FBXO11: variants seen among roughly 807,000 people sequenced by gnomAD.
The protein encoded by FBXO11 is F-box protein 11.
A neutral mutation model predicts 117.0 loss-of-function variants in FBXO11; 13 were observed. The observed-to-expected ratio is 0.11, with a 90% CI of 0.07 to 0.18. The LOEUF (loss-of-function observed/expected upper bound fraction) is 0.18. Ranked by LOEUF, FBXO11 falls within the 10% of genes least tolerant of loss-of-function variation. The pLI is 1.00. For missense variants in FBXO11, 767 were observed against 1,164.4 expected, an observed-to-expected ratio of 0.66 and a Z score of 4.97; for synonymous variants, 490 against 380.5, an observed-to-expected ratio of 1.29 and a Z score of -3.35.
intron 1 of FBXO11, among the ~76,000 whole-genome samples, chr2:47,901,604 T>C (rs1311963377): frequency 1.3e-5 from 2 of 152,134 alleles, no homozygotes; most frequent in Admixed American, 6.5e-5. Flanking sequence ...TTATTTTATT[T>C]ATTATTTATT....
chr2:47,828,509 G>A (rs1191513203), intron 11 of FBXO11, among the ~76,000 whole-genome samples: 6 of 151,832 alleles, frequency 4.0e-5, no homozygotes, highest in Admixed American at 3.9e-4. Flanking sequence ...TCGGGAGACT[G>A]AGACACAAGA....
chr2:47,856,539 T>G (rs773372001), intron 1 of FBXO11, among the ~76,000 whole-genome samples: 1 of 152,080 alleles, frequency 6.6e-6, no homozygotes, highest in Non-Finnish European at 1.5e-5. Context: ...TTGGAAAAAC[T>G]TGAGGACATA....
At chr2:47,825,759 T>C (rs1020817579) in intron 11 of FBXO11, among the ~76,000 whole-genome samples, 1 of 151,966 alleles carries the variant, frequency 6.6e-6, no homozygotes, top group Non-Finnish European at 1.5e-5. Flanking sequence ...GTGTTTTTAG[T>C]AGAGATGGAG....
At chr2:47,887,052 G>A (rs1044854326) in intron 1 of FBXO11, among the ~76,000 whole-genome samples, 6 of 152,116 alleles carry the variant, frequency 3.9e-5, no homozygotes, top group African/African-American at 1.2e-4. Context: ...TTTGGAGACT[G>A]AGGTGGGCAG....
In FBXO11 at chr2:47,874,246, TTAAAA is replaced by T. The variant is rs377527308; in HGVS notation, c.232+31238_232+31242del. Among the ~76,000 whole-genome samples, 42 of 152,136 alleles carry T rather than the reference TTAAAA, an allele frequency of 2.8e-4. No homozygotes were observed. The South Asian group carries it at 7.0e-3, about 26-fold the overall frequency. ...TAATAAATAAATAAAATATATAACTTTAAAATATACATTAATCCACTGTAATTATA... is the reference window on the plus strand; with the variant it reads ...TAATAAATAAATAAAATATATAACTTTATACATTAATCCACTGTAATTATA... On this transcript the variant is annotated intron_variant, in intron 1 of 22. Coordinates refer to ENST00000403359, the MANE Select transcript of FBXO11 (RefSeq NM_001190274.2).
intron 1 of FBXO11, among the ~76,000 whole-genome samples, chr2:47,863,795 G>C (rs1314556093): frequency 6.6e-6 from 1 of 152,122 alleles, no homozygotes; most frequent in Non-Finnish European, 1.5e-5. Flanking sequence ...ATAAAAATAA[G>C]CTGGGTATGG....
At position 47,820,061 on chromosome 2, in the gene FBXO11, C is replaced by A. The variant is rs141179778; in HGVS notation, c.1797+301G>T. On this transcript the variant is annotated intron_variant, in intron 14 of 22. Transcript: ENST00000403359. Reference sequence around the variant, plus strand: ...ACAAATATAATAGACTGCAAATGAACTGCTGCTGAGGCTAGCCCATATTGC... The same window carrying A: ...ACAAATATAATAGACTGCAAATGAAATGCTGCTGAGGCTAGCCCATATTGC... Among the ~76,000 whole-genome samples, 673 of 152,298 alleles carry A rather than the reference C, an allele frequency of 4.4e-3. 3 individuals carry two copies. The highest frequency in any genetic ancestry group is 0.024 in the Middle Eastern group (7 of 294).
chr2:47,883,468 T>C (rs1027344109), intron 1 of FBXO11: 2 of 404,764 alleles, frequency 4.9e-6, no homozygotes, highest in African/African-American at 2.0e-5. Flanking sequence ...CAGATTTTTG[T>C]AAAAACCCTT....
At chr2:47,808,299 G>A (rs1002679606) in intron 22 of FBXO11, 30 bp downstream of exon 22, 6 of 1,612,252 alleles carry the variant, frequency 3.7e-6, no homozygotes, top group East Asian at 2.2e-5. Context: ...AAAGTAATTG[G>A]GTAATATATC....
intron 1 of FBXO11, among the ~76,000 whole-genome samples, chr2:47,854,114 A>T (rs967025752): frequency 6.6e-6 from 1 of 152,246 alleles, no homozygotes. Context: ...CCGAACTATA[A>T]AAGTATGTTC....
chr2:47,813,983 A>G, intron 16 of FBXO11, 116 bp from the exon 17 acceptor site: 1 of 753,524 alleles, frequency 1.3e-6, no homozygotes, highest in Non-Finnish European at 2.2e-6. Flanking sequence ...AATTAACTAT[A>G]CAATGGAGTC....
chr2:47,901,254 T>C (rs146145190), intron 1 of FBXO11, among the ~76,000 whole-genome samples: 1 of 151,354 alleles, frequency 6.6e-6, no homozygotes, highest in East Asian at 1.9e-4. Flanking sequence ...ACTAGGTTTT[T>C]ATTCTACAAG....
At chr2:47,826,946 G>T (rs1455988435) in intron 11 of FBXO11, among the ~76,000 whole-genome samples, 1 of 152,116 alleles carries the variant, frequency 6.6e-6, no homozygotes, top group Non-Finnish European at 1.5e-5. Context: ...TTATCTTTCT[G>T]AACAGCTTTA....
chr2:47,812,946 A>C, intron 18 of FBXO11: 1 of 354,356 alleles, frequency 2.8e-6, no homozygotes, highest in South Asian at 3.0e-5. Flanking sequence ...GTTTATTATA[A>C]TCATATTACT....
rs376870631 is a variant in FBXO11 at position 47,848,143 on chromosome 2, C to CA, written c.233-8375dup. Among the ~76,000 whole-genome samples, 32 of 147,938 alleles carry CA rather than the reference C, an allele frequency of 2.2e-4. 1 individual carries two copies. The highest frequency in any genetic ancestry group is 7.9e-4 in the African/African-American group (32 of 40,456). ...CATCTCAAAAAAACAAACAAACAAA[C>CA]AAAAAAACAACCAAACACACACACA... On this transcript the variant is annotated intron_variant, in intron 1 of 22. Transcript: ENST00000403359.
In FBXO11 at chr2:47,858,771, G is replaced by A. The variant is rs532760305; in HGVS notation, c.233-19002C>T. On this transcript the variant is annotated intron_variant, in intron 1 of 22. Coordinates refer to ENST00000403359, the MANE Select transcript of FBXO11 (RefSeq NM_001190274.2). The stretch of plus-strand genomic sequence containing the variant: ...GACTTATCTAGAAAAAGGGTCGGGC[G>A]CAGTGGCTTATGCCTGTAATGCCAG... Among the ~76,000 whole-genome samples, 74 of 151,294 alleles carry A rather than the reference G, an allele frequency of 4.9e-4. 2 individuals are homozygous for A. The South Asian group carries it at 0.015, about 30-fold the overall frequency.
At position 47,807,838 on chromosome 2, in the gene FBXO11, C is replaced by T. The variant is rs989837646; in HGVS notation, c.*280G>A. The T allele has an allele frequency of 3.3e-6, 1 of 302,306 alleles. No homozygotes were observed. The highest frequency in any genetic ancestry group is 2.1e-5 in the African/African-American group (1 of 47,214). 18.7% of individuals were successfully genotyped at this position (302,306 alleles called of 1,614,324 possible). Reference sequence around the variant, plus strand: ...GCTAGTTGTAAAAACACCAGCTTTTCAGAAGTTGGTATCTGTACAAAATTG... The same window carrying T: ...GCTAGTTGTAAAAACACCAGCTTTTTAGAAGTTGGTATCTGTACAAAATTG... On this transcript the variant is annotated 3_prime_UTR_variant, in exon 23 of 23. Coordinates refer to ENST00000403359, the MANE Select transcript of FBXO11 (RefSeq NM_001190274.2).
intron 1 of FBXO11, among the ~76,000 whole-genome samples, chr2:47,861,346 T>A (rs561193601): frequency 6.8e-6 from 1 of 146,876 alleles, no homozygotes; most frequent in African/African-American, 2.5e-5. Flanking sequence ...TGAGACAAGA[T>A]CTTGCTCTGT....
intron 1 of FBXO11, among the ~76,000 whole-genome samples, chr2:47,892,024 A>G (rs986201663): frequency 3.3e-5 from 5 of 152,174 alleles, no homozygotes; most frequent in Non-Finnish European, 5.9e-5. Flanking sequence ...TTAACTCCTT[A>G]TCAGATATAT....
Sources: allele counts gnomAD v4.1 joint callset (sites outside exome capture counted in the v4.1 genomes callset), GRCh38; gene constraint gnomAD v4.1.1; transcripts MANE v1.5; gene names NCBI Gene and HGNC (gene_info 2026-07-23, HGNC 2026-07-21).